The following KIAA1217 variants were observed in gnomAD, a reference collection of about 807,000 sequenced individuals.
The protein encoded by KIAA1217 is KIAA1217, also known as sickle tail protein homolog.
KIAA1217 carries 88 observed loss-of-function variants against 163.9 expected under a neutral mutation model. The ratio of observed to expected loss-of-function variants is 0.54; its 90% CI spans 0.45 to 0.64. The LOEUF (loss-of-function observed/expected upper bound fraction) is 0.64, where lower values mean the gene tolerates loss of function less well. KIAA1217 is among the 30% of genes least tolerant of loss of function. The pLI, the probability that KIAA1217 is intolerant of heterozygous loss-of-function variation, is 0.00. For missense variants in KIAA1217, 2,372 were observed against 2,475.0 expected, an observed-to-expected ratio of 0.96 and a Z score of 0.88; for synonymous variants, 903 against 923.1, an observed-to-expected ratio of 0.98 and a Z score of 0.39.
chr10:24,508,133 C>T (rs956031609), intron 9 of KIAA1217, among the ~76,000 whole-genome samples: 2 of 151,976 alleles, frequency 1.3e-5, no homozygotes, highest in African/African-American at 4.8e-5. Context: ...CTTAACAAAA[C>T]GTTAGTAACT....
At chr10:24,255,415 G>T in intron 2 of KIAA1217, 1 of 378,638 alleles carries the variant, frequency 2.6e-6, no homozygotes, top group South Asian at 1.9e-5. Flanking sequence ...GAGCGGGCGG[G>T]TCCCGCCACC....
intron 3 of KIAA1217, among the ~76,000 whole-genome samples, chr10:24,419,120 T>C (rs538116046): frequency 6.9e-6 from 1 of 145,192 alleles, no homozygotes; most frequent in Non-Finnish European, 1.5e-5. Context: ...GAGGTTGCAG[T>C]GATCACACCA....
At chr10:24,436,970 T>C (rs1419474635) in intron 4 of KIAA1217, among the ~76,000 whole-genome samples, 1 of 152,118 alleles carries the variant, frequency 6.6e-6, no homozygotes, top group Non-Finnish European at 1.5e-5. Flanking sequence ...TATGGAGAGT[T>C]CAGGTCAGAA....
chr10:24,046,120 T>C (rs1353779241), intron 2 of KIAA1217, among the ~76,000 whole-genome samples: 1 of 152,024 alleles, frequency 6.6e-6, no homozygotes, highest in Non-Finnish European at 1.5e-5. Context: ...TTTATTTTAG[T>C]TATGTTTAAC....
rs1402973019 is a variant in KIAA1217 at position 23,894,473 on chromosome 10, G to T, written c.-320-112752G>T. ...TCTTCAAGGAGAACTACAAACCACT[G>T]CTCAAGGAAATAAAAGAGGATACAA... On this transcript the variant is annotated intron_variant, in intron 1 of 18. Coordinates refer to the KIAA1217 transcript ENST00000376462. 2.7e-5 allele frequency among the ~76,000 whole-genome samples: 4 copies of T among 145,912 alleles called. No homozygotes were observed. In the East Asian group the frequency reaches 8.0e-4, roughly 29 times the overall value.
chr10:24,194,471 G>A (rs2066889649), intron 2 of KIAA1217, among the ~76,000 whole-genome samples: 1 of 150,454 alleles, frequency 6.6e-6, no homozygotes. Flanking sequence ...ACGGACACTT[G>A]CCACTCCACC....
intron 2 of KIAA1217, among the ~76,000 whole-genome samples, chr10:24,325,945 T>C (rs576981677): frequency 1.3e-5 from 2 of 152,306 alleles, no homozygotes; most frequent in East Asian, 3.9e-4. Context: ...ATTATTTTCA[T>C]ATTTATAATG....
rs533545467 is a variant in KIAA1217, at chr10:24,089,384, G to A, written c.-171+82010G>A. Among the ~76,000 whole-genome samples the A allele has an allele frequency of 3.8e-4, 48 of 125,104 alleles. 12 individuals carry two copies. Among genetic ancestry groups the A allele is most frequent in the Non-Finnish European group, 7.3e-4 (37 of 50,642 alleles). 82.1% of individuals were successfully genotyped at this position (125,104 alleles called of 152,430 possible). On this transcript the variant is annotated intron_variant, in intron 2 of 18. Coordinates refer to the KIAA1217 transcript ENST00000376462. ...AAGTCTTTGCCCATGCCTATGTCCC[G>A]AATGGTATTTCCTAGGTTTTCTTCT...
chr10:24,427,832 C>T (rs1733751089), intron 3 of KIAA1217, among the ~76,000 whole-genome samples: 1 of 152,188 alleles, frequency 6.6e-6, no homozygotes, highest in African/African-American at 2.4e-5. Flanking sequence ...AATAAAACGC[C>T]ATCGGATATT....
chr10:24,107,558 C>T (rs1208409237), intron 2 of KIAA1217, among the ~76,000 whole-genome samples: 1 of 152,218 alleles, frequency 6.6e-6, no homozygotes, highest in African/African-American at 2.4e-5. Flanking sequence ...TACTTTTTGA[C>T]TTTCTAATCA....
rs546446851 is a variant in KIAA1217 at position 24,503,782 on chromosome 10, G to A, written c.2001+2237G>A. On this transcript the variant is annotated intron_variant, in intron 9 of 20. Transcript: ENST00000376454. ...GCTCCCAAGTTCGTTCTTACCTGGG[G>A]CTCCTGGAGGTCAAGCCCTTCCCTT... 7.2e-5 allele frequency among the ~76,000 whole-genome samples: 11 copies of A among 152,318 alleles called. No individual in the cohort carries two copies. The South Asian group carries it at 1.9e-3, about 26-fold the overall frequency.
At chr10:23,983,191 T>C (rs1411032588) in intron 1 of KIAA1217, among the ~76,000 whole-genome samples, 3 of 152,178 alleles carry the variant, frequency 2.0e-5, no homozygotes, top group African/African-American at 7.2e-5. Flanking sequence ...AAGCCCAAAT[T>C]CAGTGGGATG....
intron 2 of KIAA1217, among the ~76,000 whole-genome samples, chr10:24,022,900 G>A (rs987833659): frequency 6.7e-6 from 1 of 149,236 alleles, no homozygotes; most frequent in Non-Finnish European, 1.5e-5. Context: ...TTAACAGTCA[G>A]GAACTTAAGG....
intron 3 of KIAA1217, among the ~76,000 whole-genome samples, chr10:24,409,568 G>T (rs1191877095): frequency 2.6e-5 from 4 of 152,150 alleles, no homozygotes; most frequent in East Asian, 3.8e-4. Context: ...TTACCAAATT[G>T]TACACTTTAG....
At chr10:23,780,729 G>T (rs547590865) in intron 1 of KIAA1217, among the ~76,000 whole-genome samples, 2 of 152,182 alleles carry the variant, frequency 1.3e-5, no homozygotes, top group Admixed American at 6.5e-5. Context: ...TGCCCAGGCT[G>T]GAGTGCAGTG....
At chr10:23,756,863 C>T (rs2130847190) in intron 1 of KIAA1217, among the ~76,000 whole-genome samples, 1 of 152,272 alleles carries the variant, frequency 6.6e-6, no homozygotes, top group African/African-American at 2.4e-5. Context: ...CACAGTTTAT[C>T]CCACATACAT....
chr10:24,029,596 T>A (rs1221120194), intron 2 of KIAA1217, among the ~76,000 whole-genome samples: 5 of 152,138 alleles, frequency 3.3e-5, no homozygotes, highest in Admixed American at 1.3e-4. Flanking sequence ...TGAAGCCAAC[T>A]GGGGGAAATT....
chr10:24,013,110 T>C (rs542658946), intron 2 of KIAA1217, among the ~76,000 whole-genome samples: 9 of 152,282 alleles, frequency 5.9e-5, no homozygotes, highest in Admixed American at 2.6e-4. Context: ...TTTGGTGCCA[T>C]ATTTTTTTGC....
chr10:24,416,768 C>T (rs2131442004), intron 3 of KIAA1217, among the ~76,000 whole-genome samples: 1 of 152,222 alleles, frequency 6.6e-6, no homozygotes, highest in South Asian at 2.1e-4. Context: ...CTCCCTTCCG[C>T]TTTGCAAGGA....
Sources: gnomAD v4.1 joint callset for allele counts (sites outside exome capture counted in the v4.1 genomes callset) on GRCh38, gnomAD v4.1.1 for gene constraint, MANE v1.5 for transcripts, NCBI Gene and HGNC (gene_info 2026-07-23, HGNC 2026-07-21) for gene names.